Variants in SIK3 observed in about 807,000 individuals in gnomAD.
SIK3 encodes the protein serine/threonine-protein kinase SIK3.
Under a neutral mutation model 144.2 loss-of-function variants are expected in SIK3, and 28 were observed. The observed-to-expected ratio is 0.19, with a 90% CI of 0.14 to 0.27. The LOEUF (loss-of-function observed/expected upper bound fraction) is 0.27, where lower values mean the gene tolerates loss of function less well. Among genes scored for constraint, SIK3 ranks in the 10% least tolerant of loss-of-function variants. The pLI is 1.00. For missense variants in SIK3, 1,319 were observed against 1,776.0 expected (o/e 0.74, Z 4.62); for synonymous variants, 686 against 676.3 (o/e 1.01, Z -0.22).
intron 1 of SIK3, among the ~76,000 whole-genome samples, chr11:117,072,741 C>A (rs141411167): frequency 5.3e-5 from 8 of 152,278 alleles, no homozygotes; most frequent in African/African-American, 1.9e-4. Context: ...CAGCAGAAAG[C>A]CAGTGACTAA....
intron 4 of SIK3, among the ~76,000 whole-genome samples, chr11:116,922,988 C>G (rs1947087111): frequency 7.1e-6 from 1 of 140,276 alleles, no homozygotes; most frequent in African/African-American, 2.7e-5. Flanking sequence ...GTGATCTCAG[C>G]TCACTGCAAC....
chr11:116,976,994 T>C (rs887286760), intron 1 of SIK3, among the ~76,000 whole-genome samples: 4 of 152,210 alleles, frequency 2.6e-5, no homozygotes, highest in African/African-American at 4.8e-5. Flanking sequence ...ATTCCAACTA[T>C]TTCTTTTTAA....
rs947144342 is a variant in SIK3 at position 116,847,415 on chromosome 11, A to T, written c.3952+61T>A. 5 of 1,607,172 alleles carry T rather than the reference A, an allele frequency of 3.1e-6. No individual in the cohort carries two copies. The African/African-American group carries it at 6.7e-5, about 22-fold the overall frequency. Reference sequence around the variant, plus strand: ...CCTACGAAGAGAGGAGCAGTTACGGAAGATGGAGGGAGGCCCCTCCAGGAA... The same window carrying T: ...CCTACGAAGAGAGGAGCAGTTACGGTAGATGGAGGGAGGCCCCTCCAGGAA... On this transcript the variant is annotated intron_variant, in intron 23 of 24. Transcript: ENST00000445177.
At position 116,902,724 on chromosome 11, in the gene SIK3, A is replaced by G. The variant is rs1231956758; in HGVS notation, c.617-5407T>C. ...AGAAACCTGTCGAGAGGTCTTCTAT[A>G]ATCATTCCAAGTATTGTTACTCCCA... On this transcript the variant is annotated intron_variant, in intron 4 of 24. Coordinates refer to ENST00000445177, the MANE Select transcript of SIK3 (RefSeq NM_001366686.3). Among the ~76,000 whole-genome samples the G allele has an allele frequency of 4.6e-5, 7 of 152,342 alleles. No individual in the cohort carries two copies. In the East Asian group the frequency reaches 1.3e-3, roughly 29 times the overall value.
At chr11:116,847,375 T>G in intron 23 of SIK3, 101 bp downstream of exon 23, 1 of 1,513,552 alleles carries the variant, frequency 6.6e-7, no homozygotes, top group South Asian at 1.2e-5. Flanking sequence ...TGGCTCTACC[T>G]CCCCATGAGC....
intron 1 of SIK3, among the ~76,000 whole-genome samples, chr11:117,023,612 A>ACAAACAAAC (rs1416005850): frequency 6.5e-4 from 28 of 42,916 alleles, no homozygotes; most frequent in African/African-American, 6.1e-4. Context: ...AAACAAACAA[A>ACAAACAAAC]AAAAAAAAAA....
At chr11:116,873,714 G>C in intron 12 of SIK3, 78 bp from the exon 13 acceptor site, 1 of 1,496,476 alleles carries the variant, frequency 6.7e-7, no homozygotes, top group Non-Finnish European at 8.9e-7. Flanking sequence ...ACTCATCTAT[G>C]GAAATTAAGG....
chr11:116,965,387 A>T (rs1949491768), intron 1 of SIK3, among the ~76,000 whole-genome samples: 1 of 151,940 alleles, frequency 6.6e-6, no homozygotes, highest in Non-Finnish European at 1.5e-5. Context: ...TTTTTTTTAA[A>T]AAAAAGGAGT....
intron 5 of SIK3, 111 bp downstream of exon 5, chr11:116,897,082 G>T: frequency 1.2e-5 from 12 of 1,019,180 alleles, no homozygotes; most frequent in Non-Finnish European, 1.7e-5. Context: ...AAGAACAGGT[G>T]ACCAGGATCT....
intron 1 of SIK3, among the ~76,000 whole-genome samples, chr11:116,985,141 T>C (rs565598822): frequency 6.6e-6 from 1 of 152,338 alleles, no homozygotes; most frequent in Non-Finnish European, 1.5e-5. Flanking sequence ...AATCAAAGTG[T>C]TAGGCAACAT....
At chr11:117,048,731 C>T (rs932103549) in intron 1 of SIK3, among the ~76,000 whole-genome samples, 3 of 152,022 alleles carry the variant, frequency 2.0e-5, no homozygotes, top group Admixed American at 6.6e-5. Context: ...AAGGTCTATG[C>T]GGTACATATC....
chr11:116,926,881 C>T (rs1415646479), intron 4 of SIK3, among the ~76,000 whole-genome samples: 8 of 152,012 alleles, frequency 5.3e-5, no homozygotes, highest in Admixed American at 3.3e-4. Context: ...ATTAGCCAGG[C>T]GTGGTGATGC....
rs1591418086 is a variant in SIK3 at position 116,867,705 on chromosome 11, G to C, written c.1952+241C>G. 10 of 374,644 alleles carry C rather than the reference G, an allele frequency of 2.7e-5. 2 individuals carry two copies. The Admixed American group carries it at 4.3e-4, about 16-fold the overall frequency. The allele number at this position is 374,644 out of a possible 1,614,324, so 23.2% of individuals were successfully genotyped here. A position where few individuals can be genotyped will look rare whatever the true frequency, so the allele number is the denominator to read the frequency against. On this transcript the variant is annotated intron_variant, in intron 15 of 24. Transcript: ENST00000445177. The surrounding 1 kb of genome is among the most constrained non-coding windows in gnomAD (Gnocchi z 4.1). ...ACATCTAGAATCATGGGAATCAAATGCAGACAATAAACAGGTCTGCAAGGT... is the reference window on the plus strand; with the variant it reads ...ACATCTAGAATCATGGGAATCAAATCCAGACAATAAACAGGTCTGCAAGGT...
At chr11:116,983,512 A>C (rs1273124412) in intron 1 of SIK3, among the ~76,000 whole-genome samples, 2 of 152,182 alleles carry the variant, frequency 1.3e-5, no homozygotes, top group East Asian at 1.9e-4. Flanking sequence ...CCTGGGCGAC[A>C]CAGCAAGACT....
intron 1 of SIK3, among the ~76,000 whole-genome samples, chr11:117,026,830 CATT>C (rs1952030701): frequency 1.3e-5 from 2 of 152,126 alleles, no homozygotes; most frequent in African/African-American, 2.4e-5. Flanking sequence ...AATGAGTCAT[CATT>C]GTTTCACCCG....
At chr11:117,092,118 G>A (rs1955276516) in intron 1 of SIK3, among the ~76,000 whole-genome samples, 1 of 151,930 alleles carries the variant, frequency 6.6e-6, no homozygotes, top group Non-Finnish European at 1.5e-5. Context: ...TGATATTAGT[G>A]TTCTGCTTGA....
At chr11:117,092,043 C>T (rs7946219) in intron 1 of SIK3, among the ~76,000 whole-genome samples, 47,360 of 151,696 alleles carry the variant, frequency 0.31, 9,561 homozygotes, top group African/African-American at 0.58. Context: ...TCATGCCCCC[C>T]CAAAGCACTG....
In SIK3 at chr11:116,943,076, C is replaced by T. The variant is rs12279658; in HGVS notation, c.454+10968G>A. ...AGCATATATAGTCTTCCCTCTCTATCTGTGGGCACCACATTCATGGATTCA... is the reference window on the plus strand; with the variant it reads ...AGCATATATAGTCTTCCCTCTCTATTTGTGGGCACCACATTCATGGATTCA... On this transcript the variant is annotated intron_variant, in intron 3 of 24. Coordinates refer to ENST00000445177, the MANE Select transcript of SIK3 (RefSeq NM_001366686.3). 7.8e-3 allele frequency among the ~76,000 whole-genome samples: 1,192 copies of T among 152,100 alleles called. 15 individuals are homozygous for T. The highest frequency in any genetic ancestry group is 0.025 in the African/African-American group (1,025 of 41,462).
chr11:116,936,883 C>T (rs1947947727), intron 3 of SIK3, among the ~76,000 whole-genome samples: 1 of 152,202 alleles, frequency 6.6e-6, no homozygotes, highest in Non-Finnish European at 1.5e-5. Context: ...GGTTTTACTT[C>T]TTGCTGGAAT....
Sources: allele counts gnomAD v4.1 joint callset (sites outside exome capture counted in the v4.1 genomes callset), GRCh38; gene constraint gnomAD v4.1.1; non-coding constraint Gnocchi (gnomAD v3.1); transcripts MANE v1.5; gene names NCBI Gene and HGNC (gene_info 2026-07-23, HGNC 2026-07-21).